The following ELFN1 variants were observed in gnomAD, a reference collection of about 807,000 sequenced individuals.
ELFN1 encodes extracellular leucine rich repeat and fibronectin type III domain containing 1, also known as protein ELFN1.
Under a neutral mutation model 7.6 loss-of-function variants are expected in ELFN1, and 6 were observed. That is an observed-to-expected ratio of 0.79 (90% CI 0.43 to 1.56). ELFN1 has a LOEUF of 1.56. Among genes scored for constraint, ELFN1 ranks in the 40% most tolerant of loss-of-function variants. The probability of loss-of-function intolerance (pLI) is 0.01; values close to 1 mark genes in which losing one functional copy is unlikely to be tolerated. For synonymous variants in ELFN1, 657 were observed against 588.1 expected (o/e 1.12, Z -1.70); for missense variants, 1,169 against 1,232.2 (o/e 0.95, Z 0.77).
Position 1,700,476 on chromosome 7 carries a change from C to T in ELFN1, c.-455-8615C>T, listed in dbSNP as rs371794817. Among the ~76,000 whole-genome samples, 7 of 152,340 alleles carry T rather than the reference C, an allele frequency of 4.6e-5. No individual in the cohort carries two copies. In the East Asian group the frequency reaches 1.2e-3, roughly 25 times the overall value. On this transcript the variant is annotated intron_variant, in intron 2 of 3. Transcript: ENST00000424383. ...TTGCATACTTCTTCCCTTCTGACCT[C>T]GTTCTTCTGGTCAACACTCTCCGGG...
chr7:1,744,269 GTCCCCT>G, intron 3 of ELFN1, 29 bp from the exon 4 acceptor site: 2 of 249,408 alleles, frequency 8.0e-6, no homozygotes, highest in Non-Finnish European at 6.7e-6. Context: ...CTTCTCTCTT[GTCCCCT>G]GACCGCTGTC....
At chr7:1,718,733 G>A (rs1388425763) in intron 3 of ELFN1, among the ~76,000 whole-genome samples, 3 of 152,118 alleles carry the variant, frequency 2.0e-5, no homozygotes, top group Non-Finnish European at 1.5e-5. Context: ...TCAAGTTAAT[G>A]ATGGAGCCAC....
rs1024216783 is a variant in ELFN1, at chr7:1,740,641, G to A, written c.-293-3663G>A. On this transcript the variant is annotated intron_variant, in intron 3 of 3. Transcript: ENST00000424383. This position sits in a 1 kb window ranked among gnomAD's most constrained non-coding sequence, Gnocchi z 5.0. ...TTTCCCTGTTTCCTGTGCCAGGTCC[G>A]CAGCCTCTGCCCTTGGGGACTCCTG... Among the ~76,000 whole-genome samples the A allele has an allele frequency of 5.9e-5, 9 of 152,074 alleles. No individual in the cohort carries two copies. Among genetic ancestry groups the A allele is most frequent in the Non-Finnish European group, 1.2e-4 (8 of 67,998 alleles).
intron 2 of ELFN1, among the ~76,000 whole-genome samples, chr7:1,706,424 A>C (rs945245110): frequency 6.7e-6 from 1 of 149,110 alleles, no homozygotes; most frequent in Non-Finnish European, 1.5e-5. Context: ...TCTGTCTCAA[A>C]AAAACAAAAC....
At chr7:1,707,449 G>A (rs964717295) in intron 2 of ELFN1, among the ~76,000 whole-genome samples, 4 of 152,150 alleles carry the variant, frequency 2.6e-5, no homozygotes, top group South Asian at 2.1e-4. Flanking sequence ...GCCCTGCATC[G>A]CAGCATCTGC....
In ELFN1 at chr7:1,744,698, C is replaced by T. The variant is rs763630960; in HGVS notation, c.102C>T (p.Gly34=). ...LARADCWLIE[G]DKGFVWLAIC... ...GCGCAGACTGCTGGCTGATCGAGGG[C>T]GACAAGGGCTTCGTGTGGCTGGCCA... Residue 34 remains glycine (G), a synonymous_variant, in exon 4 of 4, where the codon GGC becomes GGT. Transcript: ENST00000424383. 22 of 1,551,464 alleles carry T rather than the reference C, an allele frequency of 1.4e-5. No individual in the cohort carries two copies. The highest frequency in any genetic ancestry group is 1.2e-4 in the Admixed American group (6 of 50,990).
upstream of ELFN1, among the ~76,000 whole-genome samples, chr7:1,670,130 C>A (rs1237118776): frequency 6.9e-5 from 7 of 101,720 alleles, no homozygotes; most frequent in Admixed American, 7.0e-4. The surrounding 1 kb of genome is among the most constrained non-coding windows in gnomAD (Gnocchi z 6.4). Flanking sequence ...CGCAGGCGGG[C>A]GAGGGAGCGA....
At chr7:1,728,890 G>C (rs116163170) in intron 3 of ELFN1, among the ~76,000 whole-genome samples, 6 of 152,166 alleles carry the variant, frequency 3.9e-5, no homozygotes, top group Non-Finnish European at 8.8e-5. Flanking sequence ...TCTCACTGTC[G>C]TGATGGTCCT....
intron 1 of ELFN1, among the ~76,000 whole-genome samples, chr7:1,680,203 G>A (rs879749086): frequency 3.9e-5 from 6 of 152,202 alleles, no homozygotes; most frequent in South Asian, 2.1e-4. Flanking sequence ...ATTCTGACCC[G>A]GTCCGTGGGC....
Position 1,745,250 on chromosome 7 carries a change from G to T in ELFN1, c.654G>T (p.Met218Ile), listed in dbSNP as rs1325258136. ...FTNATQTYDR[M>I]QCESPPVYSG... ...ACGCCACACAGACGTACGACCGCAT[G>T]CAGTGCGAGTCGCCGCCCGTCTACT... is the stretch of plus-strand genomic sequence containing the variant. Residue 218 changes from methionine to isoleucine, a missense_variant, in exon 4 of 4, where the codon ATG (methionine) becomes ATT (isoleucine). By Grantham distance (10) the Met-to-Ile change is conservative (BLOSUM62 1). Transcript: ENST00000424383. 7 of 1,539,956 alleles carry T rather than the reference G, an allele frequency of 4.5e-6. No homozygotes were observed. The highest frequency in any genetic ancestry group is 6.1e-6 in the Non-Finnish European group (7 of 1,146,874).
At chr7:1,707,921 C>A (rs973692590) in intron 2 of ELFN1, among the ~76,000 whole-genome samples, 1 of 152,192 alleles carries the variant, frequency 6.6e-6, no homozygotes, top group Admixed American at 6.5e-5. Context: ...GGCAGACAGA[C>A]AGACCGGGGG....
chr7:1,738,151 G>T (rs1780502502), intron 3 of ELFN1, among the ~76,000 whole-genome samples: 1 of 152,218 alleles, frequency 6.6e-6, no homozygotes, highest in Admixed American at 6.5e-5. Flanking sequence ...TTCACTCGAG[G>T]GGCTTCCCAC....
intron 1 of ELFN1, among the ~76,000 whole-genome samples, chr7:1,676,599 C>A (rs1562355693): frequency 6.6e-6 from 1 of 152,252 alleles, no homozygotes; most frequent in Non-Finnish European, 1.5e-5. Flanking sequence ...GGCCCTCAGA[C>A]CTGCAGCCCT....
At chr7:1,696,279 AGAGAGAGAGAGAGAGAGG>A (rs895023943) in intron 2 of ELFN1, among the ~76,000 whole-genome samples, 3 of 141,454 alleles carry the variant, frequency 2.1e-5, no homozygotes, top group African/African-American at 8.7e-5. Flanking sequence ...AAAGAGATGG[AGAGAGAGAGAGAGAGAGG>A]GAGAGAGAAA....
At chr7:1,734,839 A>G (rs560731528) in intron 3 of ELFN1, among the ~76,000 whole-genome samples, 4 of 152,118 alleles carry the variant, frequency 2.6e-5, no homozygotes, top group Non-Finnish European at 4.4e-5. Flanking sequence ...CTGGGATCAC[A>G]GGCGCACGCC....
intron 3 of ELFN1, among the ~76,000 whole-genome samples, chr7:1,717,803 G>A (rs1294458756): frequency 1.3e-5 from 2 of 152,136 alleles, no homozygotes; most frequent in Non-Finnish European, 2.9e-5. Context: ...GTGCCAGGGT[G>A]GGCATGTCAG....
In ELFN1 at chr7:1,705,066, T is replaced by TG. The variant is rs1024001999; in HGVS notation, c.-455-4019dup. ...GGGCAGAGGTGGAGACCTGCTGGGG[T>TG]GGGGGGCGCGTACTGGAGAACAGAG... On this transcript the variant is annotated intron_variant, in intron 2 of 3. Coordinates refer to ENST00000424383, the MANE Select transcript of ELFN1 (RefSeq NM_001128636.4). This position sits in a 1 kb window ranked among gnomAD's most constrained non-coding sequence, Gnocchi z 4.3. 6.6e-6 allele frequency among the ~76,000 whole-genome samples: 1 copy of TG among 150,872 alleles called. No individual in the cohort carries two copies. Among genetic ancestry groups the TG allele is most frequent in the Non-Finnish European group, 1.5e-5 (1 of 67,712 alleles).
chr7:1,737,856 G>A (rs1190683270), intron 3 of ELFN1, among the ~76,000 whole-genome samples: 1 of 152,144 alleles, frequency 6.6e-6, no homozygotes, highest in Admixed American at 6.5e-5. Context: ...CCTAAAGTCT[G>A]ACCCCGTTCT....
chr7:1,672,322 G>A (rs985628772), intron 1 of ELFN1, among the ~76,000 whole-genome samples: 1 of 152,102 alleles, frequency 6.6e-6, no homozygotes, highest in Non-Finnish European at 1.5e-5. Context: ...GTCTTTGGAG[G>A]CAGGCTCCCC....
Sources: allele counts gnomAD v4.1 joint callset (sites outside exome capture counted in the v4.1 genomes callset), GRCh38; gene constraint gnomAD v4.1.1; non-coding constraint Gnocchi (gnomAD v3.1); transcripts MANE v1.5; gene names NCBI Gene and HGNC (gene_info 2026-07-23, HGNC 2026-07-21).